Variants in BDKRB1 observed in about 807,000 individuals in gnomAD.
The protein encoded by BDKRB1 is B1 bradykinin receptor.
For synonymous variants in BDKRB1, 192 were observed against 189.1 expected, an observed-to-expected ratio of 1.02 and a Z score of -0.13; for missense variants, 414 against 441.4, an observed-to-expected ratio of 0.94 and a Z score of 0.56.
At chr14:96,261,417 C>T (rs933267205) in intron 1 of BDKRB1, among the ~76,000 whole-genome samples, 5 of 152,180 alleles carry the variant, frequency 3.3e-5, no homozygotes, top group Admixed American at 1.3e-4. Flanking sequence ...AATTATACCC[C>T]GGTGTGAATA....
At chr14:96,260,326 G>A (rs538127117) in intron 1 of BDKRB1, among the ~76,000 whole-genome samples, 2 of 152,222 alleles carry the variant, frequency 1.3e-5, no homozygotes, top group East Asian at 3.9e-4. Flanking sequence ...CCAGCCTGGT[G>A]CAATGTTCTT....
At position 96,264,612 on chromosome 14, in the gene BDKRB1, A is replaced by G. The variant is rs773723733; in HGVS notation, c.930A>G (p.Val310=). Residue 310 remains valine, a synonymous_variant, in exon 3 of 3, where the codon GTA becomes GTG. Coordinates refer to ENST00000216629, the MANE Select transcript of BDKRB1 (RefSeq NM_000710.4). ...TCACTAACAGCTCCCTGAATCCAGT[A>G]ATTTATGTCTTTGTGGGCCGGCTCT... ...FAFTNSSLNP[V]IYVFVGRLFR... is the part of the protein sequence containing the mutation. The G allele has an allele frequency of 1.2e-6, 2 of 1,614,150 alleles. No homozygotes were observed. Among genetic ancestry groups the G allele is most frequent in the South Asian group, 2.2e-5 (2 of 91,078 alleles).
At chr14:96,261,651 A>G (rs1482328687) in intron 1 of BDKRB1, among the ~76,000 whole-genome samples, 1 of 152,274 alleles carries the variant, frequency 6.6e-6, no homozygotes, top group African/African-American at 2.4e-5. Flanking sequence ...TCACCCATTA[A>G]TAACAATCAT....
At chr14:96,258,121 G>A (rs1010099251) in intron 1 of BDKRB1, among the ~76,000 whole-genome samples, 7 of 152,306 alleles carry the variant, frequency 4.6e-5, no homozygotes, top group Middle Eastern at 3.4e-3. Flanking sequence ...AAATATATAT[G>A]CATACACCTA....
chr14:96,256,721 A>G (rs1885625917), intron 1 of BDKRB1, among the ~76,000 whole-genome samples: 1 of 152,206 alleles, frequency 6.6e-6, no homozygotes, highest in Admixed American at 6.5e-5. Flanking sequence ...TGGTTGGGTT[A>G]TTCGTGGCTT....
chr14:96,263,621 A>G, intron 2 of BDKRB1, 52 bp from the exon 3 acceptor site: 1 of 1,517,682 alleles, frequency 6.6e-7, no homozygotes, highest in Non-Finnish European at 8.8e-7. Flanking sequence ...GGTTTGGCTC[A>G]TAGGCTGTAG....
At position 96,264,461 on chromosome 14, in the gene BDKRB1, T is replaced by C; in HGVS notation, c.779T>C (p.Leu260Pro). The C allele has an allele frequency of 6.2e-7, 1 of 1,614,240 alleles. No individual in the cohort carries two copies. Among genetic ancestry groups the C allele is most frequent in the African/African-American group, 1.3e-5 (1 of 75,076 alleles). The change falls in exon 3 of 3, where the codon CTG becomes CCG. Residue 260 changes from leucine to proline, a missense_variant. Transcript: ENST00000216629. ...ATCCTCACGCTCGTGGTTGCCTTCC[T>C]GGTCTGCTGGGCCCCTTACCACTTC... ...ALILTLVVAF[L>P]VCWAPYHFFA...
At chr14:96,259,230 ATC>A (rs1885687277) in intron 1 of BDKRB1, among the ~76,000 whole-genome samples, 2 of 152,182 alleles carry the variant, frequency 1.3e-5, no homozygotes, top group South Asian at 4.1e-4. Context: ...AAATTTATAG[ATC>A]TGTTTTAATA....
chr14:96,263,642 C>G (rs1318493655), intron 2 of BDKRB1, 31 bp from the exon 3 acceptor site: 11 of 1,561,170 alleles, frequency 7.0e-6, no homozygotes, highest in Non-Finnish European at 9.5e-6. Flanking sequence ...TCTGCCACTT[C>G]CTGTTTTATT....
chr14:96,262,877 C>A, intron 2 of BDKRB1, 107 bp downstream of exon 2: 1 of 349,634 alleles, frequency 2.9e-6, no homozygotes, highest in Non-Finnish European at 5.6e-6. Context: ...ATCCATCTGC[C>A]TTGGCCTCCC....
chr14:96,263,310 A>G (rs934445392), intron 2 of BDKRB1, among the ~76,000 whole-genome samples: 2 of 152,230 alleles, frequency 1.3e-5, no homozygotes, highest in Non-Finnish European at 2.9e-5. Context: ...TGATCCCACA[A>G]GAGAGACACG....
Position 96,263,563 on chromosome 14 carries a change from T to C in BDKRB1, c.-10-110T>C, listed in dbSNP as rs183164532. The C allele has an allele frequency of 5.9e-3, 6,990 of 1,186,330 alleles. 31 individuals are homozygous for C. The highest frequency in any genetic ancestry group is 7.9e-3 in the Admixed American group (282 of 35,610). 73.5% of individuals were successfully genotyped at this position (1,186,330 alleles called of 1,614,324 possible). A position where few individuals can be genotyped will look rare whatever the true frequency, so the allele number is the denominator to read the frequency against. On this transcript the variant is annotated intron_variant, in intron 2 of 2. Transcript: ENST00000216629. ...TAGATAATACGTCCAGGAATGGGTGTGGCTCTGTGCCAATAAAACTTTATT... is the reference window on the plus strand; with the variant it reads ...TAGATAATACGTCCAGGAATGGGTGCGGCTCTGTGCCAATAAAACTTTATT...
chr14:96,256,843 T>A (rs903049210), intron 1 of BDKRB1, among the ~76,000 whole-genome samples: 2 of 152,224 alleles, frequency 1.3e-5, no homozygotes, highest in Non-Finnish European at 2.9e-5. Flanking sequence ...TTTGAAGAAT[T>A]AACTAATTTG....
intron 1 of BDKRB1, among the ~76,000 whole-genome samples, chr14:96,261,325 T>C (rs1774672983): frequency 6.6e-6 from 1 of 152,268 alleles, no homozygotes; most frequent in Non-Finnish European, 1.5e-5. Context: ...TGCTTTGTCC[T>C]AAATACCTAG....
intron 1 of BDKRB1, 139 bp downstream of exon 1, chr14:96,256,439 A>T (rs1305170857): frequency 6.6e-6 from 1 of 152,206 alleles, no homozygotes; most frequent in Non-Finnish European, 1.5e-5. Context: ...GGTACTTTTT[A>T]AAAATAATTC....
At position 96,263,832 on chromosome 14, in the gene BDKRB1, C is replaced by T. The variant is rs145413716; in HGVS notation, c.150C>T (p.Phe50=). 3.2e-5 allele frequency: 52 copies of T among 1,614,004 alleles called. No homozygotes were observed. The Middle Eastern group carries it at 4.9e-4, about 15-fold the overall frequency. ...LPTFIISICF[F]GLLGNLFVLL... is the part of the protein sequence containing the mutation. ...CATTTATCATCTCCATCTGTTTCTTCGGCCTCCTAGGGAACCTTTTTGTCC... is the reference window on the plus strand; with the variant it reads ...CATTTATCATCTCCATCTGTTTCTTTGGCCTCCTAGGGAACCTTTTTGTCC... The change falls in exon 3 of 3, where the codon TTC becomes TTT. Residue 50 remains phenylalanine, a synonymous_variant. Transcript: ENST00000216629.
At position 96,264,044 on chromosome 14, in the gene BDKRB1, T is replaced by A. The variant is rs1885824993; in HGVS notation, c.362T>A (p.Leu121Ter). Residue 121 changes from leucine (L) to a stop codon, truncating the protein, a stop_gained, in exon 3 of 3, where the codon TTG becomes TAG. Transcript: ENST00000216629. LOFTEE classifies it low-confidence loss of function (END_TRUNC). ...ATCAACGGGGTCATCAAGGCCAATTTGTTCATCAGCATCTTCCTGGTGGTG... is the reference window on the plus strand; with the variant it reads ...ATCAACGGGGTCATCAAGGCCAATTAGTTCATCAGCATCTTCCTGGTGGTG... The part of the protein sequence containing the change: ...RVINGVIKAN[L>*]FISIFLVVAI... 3.7e-6 allele frequency: 6 copies of A among 1,613,806 alleles called. No homozygotes were observed. The East Asian group carries it at 1.3e-4, about 36-fold the overall frequency.
intron 1 of BDKRB1, 46 bp from the exon 2 acceptor site, chr14:96,262,606 C>CCTTTTTTTTTTTTTTTT: frequency 1.4e-4 from 44 of 308,808 alleles, no homozygotes; most frequent in South Asian, 3.0e-4. Flanking sequence ...TCTCTCTCTC[C>CCTTTTTTTTTTTTTTTT]TTTTTTTTTT....
chr14:96,260,186 G>A (rs560004690), intron 1 of BDKRB1, among the ~76,000 whole-genome samples: 1 of 152,188 alleles, frequency 6.6e-6, no homozygotes, highest in South Asian at 2.1e-4. Flanking sequence ...ATCACACCCA[G>A]CTAGTTTTTG....
Sources: allele counts gnomAD v4.1 joint callset (sites outside exome capture counted in the v4.1 genomes callset), GRCh38; gene constraint gnomAD v4.1.1; transcripts MANE v1.5; gene names NCBI Gene and HGNC (gene_info 2026-07-23, HGNC 2026-07-21).